Variants in OVCH2 observed in about 807,000 individuals in gnomAD.
The protein encoded by OVCH2 is ovochymase-2.
In OVCH2, 88 loss-of-function variants were observed where a neutral mutation model predicts 73.7. That is an observed-to-expected ratio of 1.19 (90% CI 1.01 to 1.43). The LOEUF (loss-of-function observed/expected upper bound fraction) is 1.43. OVCH2 is among the 40% of genes most tolerant of loss of function. The pLI, the probability that OVCH2 is intolerant of heterozygous loss-of-function variation, is 0.00. For missense variants in OVCH2, 706 were observed against 674.5 expected, an observed-to-expected ratio of 1.05 and a Z score of -0.52; for synonymous variants, 265 against 234.5, an observed-to-expected ratio of 1.13 and a Z score of -1.19.
Position 7,695,563 on chromosome 11 carries a change from G to GT in OVCH2, c.1282+6dup. 1.9e-6 allele frequency: 3 copies of GT among 1,610,134 alleles called. No individual in the cohort carries two copies. Among genetic ancestry groups the GT allele is most frequent in the Non-Finnish European group, 2.5e-6 (3 of 1,177,096 alleles). ...GATAGTATGTGATTAAAAGTAAATGGTTTTACCAGGAATGTAGTTTGGTTT... is the reference window on the plus strand; with the variant it reads ...GATAGTATGTGATTAAAAGTAAATGGTTTTTACCAGGAATGTAGTTTGGTTT... On this transcript the variant is annotated splice_region_variant and intron_variant, in intron 11 of 15. Transcript: ENST00000533663.
At chr11:7,690,757 A>G (rs899242589) in intron 14 of OVCH2, among the ~76,000 whole-genome samples, 22 of 151,870 alleles carry the variant, frequency 1.4e-4, no homozygotes, top group African/African-American at 4.8e-5. Context: ...TGTCCTTTTC[A>G]TGGTCTATTT....
intron 13 of OVCH2, 103 bp downstream of exon 13, chr11:7,691,799 G>T: frequency 2.3e-6 from 2 of 851,242 alleles, no homozygotes; most frequent in Non-Finnish European, 3.7e-6. Context: ...GGTGGAGGTG[G>T]TGCAGGAAGA....
Position 7,702,159 on chromosome 11 carries a change from A to G in OVCH2, c.461T>C (p.Phe154Ser). 1 of 1,606,770 alleles carries G rather than the reference A, an allele frequency of 6.2e-7. No individual in the cohort carries two copies. The highest frequency in any genetic ancestry group is 8.5e-7 in the Non-Finnish European group (1 of 1,174,968). ...CAGTATGATCCTCAAATGTTTACCA[A>G]ATTGGAAGGCTCCAGCCATCTTCAA... ...ALLKMAGAFQ[F>S]GHFVGPICLP... Residue 154 changes from phenylalanine to serine, a missense_variant and splice_region_variant, in exon 4 of 16, where the codon TTT becomes TCT. Coordinates refer to ENST00000533663, the MANE Select transcript of OVCH2 (RefSeq NM_198185.7).
the OVCH2 span, among the ~76,000 whole-genome samples, chr11:7,680,327 G>A: frequency 1.3e-5 from 2 of 152,182 alleles, no homozygotes; most frequent in African/African-American, 4.8e-5. Context: ...TGGTGCGTGG[G>A]GAAAAATTTC....
Position 7,700,496 on chromosome 11 carries a change from A to C in OVCH2, c.712-11T>G. ...ACCTCCTGAATCTCCCTGCAGAGGGAAAAAGCCTCTATTAGCATCACTGTC... is the reference window on the plus strand; with the variant it reads ...ACCTCCTGAATCTCCCTGCAGAGGGCAAAAGCCTCTATTAGCATCACTGTC... On this transcript the variant is annotated splice_polypyrimidine_tract_variant and intron_variant, in intron 6 of 15. Transcript: ENST00000533663. 6.3e-7 allele frequency: 1 copy of C among 1,591,346 alleles called. No homozygotes were observed. Among genetic ancestry groups the C allele is most frequent in the South Asian group, 1.1e-5 (1 of 87,472 alleles).
chr11:7,699,123 G>A, intron 7 of OVCH2: 1 of 187,708 alleles, frequency 5.3e-6, no homozygotes, highest in Non-Finnish European at 1.1e-5. Context: ...TTTAACTGAG[G>A]GCTCAGATAC....
In OVCH2 at chr11:7,696,817, G is replaced by A. The variant is rs767115269; in HGVS notation, c.926-18C>T. Reference sequence around the variant, plus strand: ...GCACCAGGCTGGGAGGGAAAGCCAGGAGAGTCAGGGTTAGTTATGCCAGTT... The same window carrying A: ...GCACCAGGCTGGGAGGGAAAGCCAGAAGAGTCAGGGTTAGTTATGCCAGTT... On this transcript the variant is annotated intron_variant, in intron 8 of 15. Coordinates refer to ENST00000533663, the MANE Select transcript of OVCH2 (RefSeq NM_198185.7). 6.9e-6 allele frequency: 11 copies of A among 1,593,582 alleles called. No individual in the cohort carries two copies. Among genetic ancestry groups the A allele is most frequent in the Non-Finnish European group, 7.7e-6 (9 of 1,170,448 alleles).
chr11:7,706,199 T>G, intron 1 of OVCH2, 108 bp downstream of exon 1: 1 of 1,145,448 alleles, frequency 8.7e-7, no homozygotes, highest in Non-Finnish European at 1.2e-6. Flanking sequence ...ATCCAAAATA[T>G]ATTTGCTTCT....
intron 5 of OVCH2, 44 bp from the exon 6 acceptor site, chr11:7,701,519 C>G (rs764077140): frequency 2.6e-5 from 41 of 1,588,076 alleles, no homozygotes; most frequent in Non-Finnish European, 3.3e-5. Context: ...ACTCTTTCAC[C>G]CTTTCTGAGT....
intron 3 of OVCH2, among the ~76,000 whole-genome samples, chr11:7,702,626 C>G (rs1222477811): frequency 2.0e-5 from 3 of 152,158 alleles, no homozygotes; most frequent in Non-Finnish European, 4.4e-5. Context: ...GTTCAGGGCT[C>G]TACAGCTATA....
intron 12 of OVCH2, among the ~76,000 whole-genome samples, chr11:7,693,792 T>C (rs1352208552): frequency 6.6e-6 from 1 of 152,198 alleles, no homozygotes; most frequent in Non-Finnish European, 1.5e-5. Context: ...ACATCTGACT[T>C]CACGTGATAT....
At chr11:7,684,470 CTA>C (rs755430614), downstream of OVCH2, among the ~76,000 whole-genome samples, 83 of 120,076 alleles carry the variant, frequency 6.9e-4, no homozygotes, top group East Asian at 9.7e-4. Flanking sequence ...GCCCTCAAAC[CTA>C]TATATATATA....
the OVCH2 span, among the ~76,000 whole-genome samples, chr11:7,678,734 T>C: frequency 1.1e-4 from 17 of 152,270 alleles, no homozygotes; most frequent in Non-Finnish European, 2.2e-4. Context: ...GAGCTAAGCA[T>C]TGAGCACACA....
rs754628099 is a variant in OVCH2 at position 7,695,105 on chromosome 11, C to T, written c.1366G>A (p.Ala456Thr). The T allele has an allele frequency of 3.6e-5, 56 of 1,552,086 alleles. No homozygotes were observed. Among genetic ancestry groups the T allele is most frequent in the Non-Finnish European group, 4.6e-5 (53 of 1,147,288 alleles). Residue 456 changes from alanine to threonine, a missense_variant, in exon 12 of 16, where the codon GCT (alanine) becomes ACT (threonine). Ala to Thr is a moderately conservative substitution (Grantham distance 58, BLOSUM62 0). Coordinates refer to ENST00000533663, the MANE Select transcript of OVCH2 (RefSeq NM_198185.7). ...GCTTGAAAAATCCAGTCACAGTTAG[C>T]CTTGTCACTGTAGTTTTCAGGATAG... ...LNYPENYSDK[A>T]NCDWIFQASK...
the OVCH2 span, among the ~76,000 whole-genome samples, chr11:7,682,635 C>A: frequency 6.6e-6 from 1 of 152,258 alleles, no homozygotes; most frequent in South Asian, 2.1e-4. Context: ...TGTCCTAGCT[C>A]TCTTTTCCTC....
At chr11:7,696,406 A>C in intron 10 of OVCH2, 59 bp downstream of exon 10, 1 of 1,599,996 alleles carries the variant, frequency 6.3e-7, no homozygotes, top group South Asian at 1.1e-5. Flanking sequence ...TAAGATAACT[A>C]GGCCTCATTA....
chr11:7,687,225 A>C (rs1205886729), downstream of OVCH2, among the ~76,000 whole-genome samples: 1 of 152,058 alleles, frequency 6.6e-6, no homozygotes, highest in African/African-American at 2.4e-5. Flanking sequence ...ATGTAGCTTA[A>C]AAGGTATGTG....
At chr11:7,692,551 G>T (rs7945112) in intron 12 of OVCH2, among the ~76,000 whole-genome samples, 1 of 152,024 alleles carries the variant, frequency 6.6e-6, no homozygotes, top group African/African-American at 2.4e-5. Context: ...AGAAGGCACA[G>T]ATGTAAGTGA....
At chr11:7,697,026 CTCTT>C (rs1856350716) in intron 8 of OVCH2, 1 of 337,054 alleles carries the variant, frequency 3.0e-6, no homozygotes. Flanking sequence ...ACTCTTCTCT[CTCTT>C]TTTATTTTAT....
Sources: allele counts gnomAD v4.1 joint callset (sites outside exome capture counted in the v4.1 genomes callset), GRCh38; gene constraint gnomAD v4.1.1; transcripts MANE v1.5; gene names NCBI Gene and HGNC (gene_info 2026-07-23, HGNC 2026-07-21).